CSMD2: variants seen among roughly 807,000 people sequenced by gnomAD.
CSMD2 encodes CUB and Sushi multiple domains 2.
Under a neutral mutation model 398.5 loss-of-function variants are expected in CSMD2, and 130 were observed. The observed-to-expected ratio is 0.33, with a 90% confidence interval of 0.28 to 0.38. The LOEUF (loss-of-function observed/expected upper bound fraction) is 0.38. Ranked by LOEUF, CSMD2 falls within the 10% of genes least tolerant of loss-of-function variation. The pLI, the probability that CSMD2 is intolerant of heterozygous loss-of-function variation, is 1.00. For missense variants in CSMD2, 3,829 were observed against 4,764.9 expected, an observed-to-expected ratio of 0.80 and a Z score of 5.78; for synonymous variants, 1,828 against 1,908.5, an observed-to-expected ratio of 0.96 and a Z score of 1.10.
chr1:33,610,547 G>C (rs558715443), intron 41 of CSMD2, among the ~76,000 whole-genome samples: 1 of 152,298 alleles, frequency 6.6e-6, no homozygotes, highest in African/African-American at 2.4e-5. Context: ...TGGAGCTGTG[G>C]TGAGTGTGGT....
intron 3 of CSMD2, among the ~76,000 whole-genome samples, chr1:34,017,044 G>C (rs2148094764): frequency 6.6e-6 from 1 of 152,286 alleles, no homozygotes; most frequent in South Asian, 2.1e-4. Context: ...ACATCTTACA[G>C]TCAATAGAAT....
intron 39 of CSMD2, among the ~76,000 whole-genome samples, chr1:33,615,018 A>T (rs1234241838): frequency 6.6e-6 from 1 of 152,228 alleles, no homozygotes; most frequent in African/African-American, 2.4e-5. Flanking sequence ...AGACTGCAGA[A>T]AAAGGATGAA....
chr1:33,873,553 T>C (rs929450361), intron 5 of CSMD2: 1 of 152,240 alleles, frequency 6.6e-6, no homozygotes, highest in Non-Finnish European at 1.5e-5. Flanking sequence ...AGCAGCTGGG[T>C]TGAAAGCTTC....
chr1:33,573,848 T>C (rs559041126), intron 49 of CSMD2, among the ~76,000 whole-genome samples: 28 of 152,164 alleles, frequency 1.8e-4, no homozygotes, highest in Non-Finnish European at 3.4e-4. Context: ...AGATTCACCA[T>C]CACGGAATTT....
At chr1:34,025,299 T>A (rs993180305) in intron 3 of CSMD2, among the ~76,000 whole-genome samples, 9 of 152,214 alleles carry the variant, frequency 5.9e-5, no homozygotes. Flanking sequence ...GTGGAGCATG[T>A]CTTCTTTCTC....
intron 44 of CSMD2, chr1:33,599,992 G>A (rs1422956368): frequency 2.4e-5 from 15 of 612,250 alleles, no homozygotes; most frequent in Non-Finnish European, 4.4e-5. Context: ...CTATCCACAT[G>A]GTTTTGGGCA....
chr1:33,533,690 A>G lies in CSMD2; in HGVS notation c.9991+106T>C, dbSNP rs887143490. 4 of 720,744 alleles carry G rather than the reference A, an allele frequency of 5.5e-6. No homozygotes were observed. The highest frequency in any genetic ancestry group is 9.8e-6 in the Non-Finnish European group (4 of 406,982). 44.6% of individuals were successfully genotyped at this position (720,744 alleles called of 1,614,324 possible). ...TACAAAGAGACCGATGTCGGTTCGC[A>G]TGGGGAGTTGTGAACTCCCTGTCAT... is the stretch of plus-strand genomic sequence containing the variant. On this transcript the variant is annotated intron_variant, in intron 63 of 70. Coordinates refer to ENST00000373381, the MANE Select transcript of CSMD2 (RefSeq NM_001281956.2). This position sits in a 1 kb window ranked among gnomAD's most constrained non-coding sequence, Gnocchi z 4.2.
rs889270701 is a variant in CSMD2, at chr1:34,139,403, G to A, written c.187+25508C>T. 4.6e-5 allele frequency among the ~76,000 whole-genome samples: 7 copies of A among 152,260 alleles called. No individual in the cohort carries two copies. In the East Asian group the frequency reaches 7.7e-4, roughly 17 times the overall value. The stretch of plus-strand genomic sequence containing the variant: ...AGGCCCTCACCAGATGCAGCCCCTC[G>A]ACCTTGGACTTCTCAGCCTCCAGAA... On this transcript the variant is annotated intron_variant, in intron 1 of 70. Coordinates refer to ENST00000373381, the MANE Select transcript of CSMD2 (RefSeq NM_001281956.2).
At chr1:33,864,586 C>T in intron 5 of CSMD2, 1 of 1,613,998 alleles carries the variant, frequency 6.2e-7, no homozygotes, top group Non-Finnish European at 8.5e-7. Flanking sequence ...AAGATGTGGT[C>T]AACAGCGACA....
At chr1:33,812,045 G>A (rs1656923578) in intron 9 of CSMD2, among the ~76,000 whole-genome samples, 2 of 152,124 alleles carry the variant, frequency 1.3e-5, no homozygotes. Context: ...CCCTTCCTAG[G>A]AGGGTCTGGG....
At chr1:33,752,678 A>C (rs1291987635) in intron 13 of CSMD2, among the ~76,000 whole-genome samples, 2 of 152,192 alleles carry the variant, frequency 1.3e-5, no homozygotes, top group Non-Finnish European at 2.9e-5. Flanking sequence ...GATAGGTTGG[A>C]AGAGTTTGAA....
intron 1 of CSMD2, among the ~76,000 whole-genome samples, chr1:34,133,349 G>C (rs1327683093): frequency 6.6e-6 from 1 of 152,184 alleles, no homozygotes; most frequent in Non-Finnish European, 1.5e-5. Context: ...AGTCAGCCCA[G>C]GCCGGGTGTA....
At chr1:33,616,770 A>T in intron 39 of CSMD2, 136 bp downstream of exon 39, 1 of 655,186 alleles carries the variant, frequency 1.5e-6, no homozygotes, top group Non-Finnish European at 2.7e-6. Context: ...ACATCAGTTT[A>T]AAATGACTGA....
Position 34,164,880 on chromosome 1 carries a change from G to A in CSMD2, c.187+31C>T, listed in dbSNP as rs578052921. 8.2e-7 allele frequency: 1 copy of A among 1,217,702 alleles called. No individual in the cohort carries two copies. The allele number at this position is 1,217,702 out of a possible 1,614,324, so 75.4% of individuals were successfully genotyped here. ...CGGGGCTCGGGTGGGGCGCGCGGCG[G>A]CCGCTGGCTCCTCGGCGCGGCTGGA... On this transcript the variant is annotated intron_variant, in intron 1 of 70. Transcript: ENST00000373381. This position sits in a 1 kb window ranked among gnomAD's most constrained non-coding sequence, Gnocchi z 6.2.
intron 1 of CSMD2, among the ~76,000 whole-genome samples, chr1:34,121,439 C>G (rs553675221): frequency 6.6e-6 from 1 of 152,288 alleles, no homozygotes; most frequent in East Asian, 1.9e-4. Context: ...GTTACTGAAT[C>G]AAGAGACTCT....
At chr1:33,794,551 G>A (rs530516094) in intron 10 of CSMD2, among the ~76,000 whole-genome samples, 1 of 152,314 alleles carries the variant, frequency 6.6e-6, no homozygotes, top group African/African-American at 2.4e-5. Flanking sequence ...AGGAGGTGGT[G>A]GAGGGTGGCG....
At chr1:33,632,147 A>G (rs1642500916) in intron 32 of CSMD2, among the ~76,000 whole-genome samples, 1 of 152,084 alleles carries the variant, frequency 6.6e-6, no homozygotes, top group Non-Finnish European at 1.5e-5. Context: ...CAAATAATAA[A>G]TCAAAATAAA....
At chr1:34,129,448 G>A (rs960695321) in intron 1 of CSMD2, among the ~76,000 whole-genome samples, 6 of 152,062 alleles carry the variant, frequency 3.9e-5, no homozygotes, top group South Asian at 4.1e-4. Context: ...TCAGGAGATC[G>A]TGACCATCCT....
chr1:33,953,529 C>G (rs1203279066), intron 3 of CSMD2, among the ~76,000 whole-genome samples: 1 of 152,194 alleles, frequency 6.6e-6, no homozygotes, highest in African/African-American at 2.4e-5. Context: ...CTCTGTAGCT[C>G]ATAGTCCTTA....
Sources: allele counts gnomAD v4.1 joint callset (sites outside exome capture counted in the v4.1 genomes callset), GRCh38; gene constraint gnomAD v4.1.1; non-coding constraint Gnocchi (gnomAD v3.1); transcripts MANE v1.5; gene names NCBI Gene and HGNC (gene_info 2026-07-23, HGNC 2026-07-21).